Variants in OSBPL1A observed in about 807,000 individuals in gnomAD.
OSBPL1A encodes oxysterol binding protein like 1A, also known as oxysterol-binding protein-related protein 1.
Under a neutral mutation model 137.1 loss-of-function variants are expected in OSBPL1A, and 80 were observed. The observed-to-expected ratio is 0.58, with a 90% CI of 0.49 to 0.70. The LOEUF is 0.70. OSBPL1A is among the 30% of genes least tolerant of loss of function. OSBPL1A has a pLI of 0.00. For missense variants in OSBPL1A, 970 were observed against 1,129.4 expected, an observed-to-expected ratio of 0.86 and a Z score of 2.02; for synonymous variants, 365 against 389.7, an observed-to-expected ratio of 0.94 and a Z score of 0.75.
intron 17 of OSBPL1A, among the ~76,000 whole-genome samples, chr18:24,208,979 C>G (rs2087452307): frequency 6.6e-6 from 1 of 152,044 alleles, no homozygotes; most frequent in Non-Finnish European, 1.5e-5. Context: ...CCAGAGAGCA[C>G]CAGGGCAGTG....
At chr18:24,256,362 GA>G (rs998798370) in intron 15 of OSBPL1A, among the ~76,000 whole-genome samples, 1 of 151,992 alleles carries the variant, frequency 6.6e-6, no homozygotes, top group African/African-American at 2.4e-5. Flanking sequence ...CAGAGCTGAT[GA>G]AAAAAACCAT....
chr18:24,261,225 A>C (rs1179188219), intron 15 of OSBPL1A, among the ~76,000 whole-genome samples: 1 of 152,174 alleles, frequency 6.6e-6, no homozygotes, highest in Non-Finnish European at 1.5e-5. Flanking sequence ...TAGTGATAAA[A>C]AGCTGATCAA....
At chr18:24,310,891 T>C (rs2090609970) in intron 13 of OSBPL1A, among the ~76,000 whole-genome samples, 1 of 152,190 alleles carries the variant, frequency 6.6e-6, no homozygotes, top group African/African-American at 2.4e-5. Context: ...ATTTTGGCCA[T>C]ATGTATTTAA....
chr18:24,372,036 GAGGCCA>G (rs1298266045), intron 2 of OSBPL1A, among the ~76,000 whole-genome samples: 1 of 152,150 alleles, frequency 6.6e-6, no homozygotes, highest in African/African-American at 2.4e-5. Context: ...AGCACTTTGG[GAGGCCA>G]AGGCGGATAG....
At chr18:24,214,624 T>G (rs1002912796) in intron 17 of OSBPL1A, among the ~76,000 whole-genome samples, 46 of 152,186 alleles carry the variant, frequency 3.0e-4, no homozygotes, top group African/African-American at 1.1e-3. Context: ...TCTACTAGAA[T>G]GTAGGTTTGA....
At chr18:24,290,523 A>G (rs566079645) in intron 14 of OSBPL1A, among the ~76,000 whole-genome samples, 1 of 152,152 alleles carries the variant, frequency 6.6e-6, no homozygotes, top group Non-Finnish European at 1.5e-5. Flanking sequence ...TTTACTAAAA[A>G]TACAAAAGTA....
chr18:24,256,818 G>T (rs1235321721), intron 15 of OSBPL1A, among the ~76,000 whole-genome samples: 2 of 151,636 alleles, frequency 1.3e-5, no homozygotes, highest in Non-Finnish European at 2.9e-5. Flanking sequence ...TGCCAAAAGT[G>T]AATATCTGAA....
At chr18:24,175,586 T>A (rs1367657401) in intron 21 of OSBPL1A, among the ~76,000 whole-genome samples, 2 of 152,230 alleles carry the variant, frequency 1.3e-5, no homozygotes, top group Non-Finnish European at 2.9e-5. Flanking sequence ...TACTATTCTA[T>A]AGTTTATCTT....
At chr18:24,225,390 T>C (rs1321888717) in intron 16 of OSBPL1A, among the ~76,000 whole-genome samples, 192 bp from the exon 17 acceptor site, 1 of 152,198 alleles carries the variant, frequency 6.6e-6, no homozygotes, top group Non-Finnish European at 1.5e-5. Context: ...AGTGGATTTA[T>C]CAAACAGAGG....
chr18:24,355,331 G>A (rs186338736), intron 4 of OSBPL1A, among the ~76,000 whole-genome samples: 75 of 151,154 alleles, frequency 5.0e-4, no homozygotes, highest in African/African-American at 1.6e-3. Flanking sequence ...GTGAAACCCC[G>A]TCTCTACTAA....
chr18:24,390,265 T>C (rs745414597), intron 1 of OSBPL1A, among the ~76,000 whole-genome samples: 1 of 152,352 alleles, frequency 6.6e-6, no homozygotes, highest in South Asian at 2.1e-4. Context: ...TCTGGGTATA[T>C]ACCCAAAAGA....
At chr18:24,297,964 C>T (rs1164957692) in intron 14 of OSBPL1A, among the ~76,000 whole-genome samples, 2 of 152,108 alleles carry the variant, frequency 1.3e-5, no homozygotes, top group African/African-American at 4.8e-5. Flanking sequence ...GCTGCATTCC[C>T]AGATGGTTAA....
intron 15 of OSBPL1A, among the ~76,000 whole-genome samples, chr18:24,248,789 G>A (rs1186046658): frequency 6.6e-6 from 1 of 152,212 alleles, no homozygotes; most frequent in Non-Finnish European, 1.5e-5. Flanking sequence ...TATAAGCAAG[G>A]TGATAATGAT....
intron 12 of OSBPL1A, among the ~76,000 whole-genome samples, chr18:24,313,017 G>C (rs1035869308): frequency 1.3e-5 from 2 of 150,366 alleles, no homozygotes; most frequent in East Asian, 2.0e-4. Context: ...CCAGCTACTC[G>C]GGAGGCTGAG....
chr18:24,248,600 C>G (rs976155969), intron 15 of OSBPL1A, among the ~76,000 whole-genome samples: 5 of 152,206 alleles, frequency 3.3e-5, no homozygotes, highest in Non-Finnish European at 7.3e-5. Flanking sequence ...AATAGAATGG[C>G]CTCAATGAAG....
At chr18:24,312,204 A>G in intron 12 of OSBPL1A, 98 bp from the exon 13 acceptor site, 1 of 1,422,224 alleles carries the variant, frequency 7.0e-7, no homozygotes, top group East Asian at 2.4e-5. Flanking sequence ...TACCTAGTGA[A>G]ATAAATATTA....
chr18:24,162,714 A>G lies in OSBPL1A; in HGVS notation c.*465T>C, dbSNP rs2086048241. ...ATCAATGAAGTCTTTATAAAATGACATAACCTCTATATCTGAGAATAAACA... is the reference window on the plus strand; with the variant it reads ...ATCAATGAAGTCTTTATAAAATGACGTAACCTCTATATCTGAGAATAAACA... On this transcript the variant is annotated 3_prime_UTR_variant, in exon 28 of 28. Coordinates refer to ENST00000319481, the MANE Select transcript of OSBPL1A (RefSeq NM_080597.4). The G allele has an allele frequency of 6.5e-6, 1 of 152,690 alleles. No homozygotes were observed. Among genetic ancestry groups the G allele is most frequent in the Non-Finnish European group, 1.5e-5 (1 of 68,406 alleles). 9.5% of individuals were successfully genotyped at this position (152,690 alleles called of 1,614,324 possible).
intron 14 of OSBPL1A, among the ~76,000 whole-genome samples, chr18:24,299,443 C>T (rs895307172): frequency 1.3e-5 from 2 of 151,922 alleles, no homozygotes; most frequent in African/African-American, 2.4e-5. Flanking sequence ...AGCAAATTCA[C>T]GTAGAGTTTA....
chr18:24,190,758 A>T (rs1261782135), intron 18 of OSBPL1A, among the ~76,000 whole-genome samples: 1 of 152,262 alleles, frequency 6.6e-6, no homozygotes, highest in African/African-American at 2.4e-5. Flanking sequence ...CATCTATCTT[A>T]GAGTTGGAAT....
Sources: gnomAD v4.1 joint callset for allele counts (sites outside exome capture counted in the v4.1 genomes callset) on GRCh38, gnomAD v4.1.1 for gene constraint, MANE v1.5 for transcripts, NCBI Gene and HGNC (gene_info 2026-07-23, HGNC 2026-07-21) for gene names.